CHIC1: variants seen among roughly 807,000 people sequenced by gnomAD.
The protein encoded by CHIC1 is cysteine-rich hydrophobic domain-containing protein 1.
In CHIC1, 7 loss-of-function variants were observed where a neutral mutation model predicts 18.5. That is an observed-to-expected ratio of 0.38 (90% confidence interval 0.22 to 0.71). CHIC1 has a LOEUF of 0.71. CHIC1 is among the 30% of genes least tolerant of loss of function. CHIC1 has a pLI of 0.49. For missense variants in CHIC1, 159 were observed against 176.9 expected, an observed-to-expected ratio of 0.90 and a Z score of 0.57; for synonymous variants, 77 against 73.5, an observed-to-expected ratio of 1.05 and a Z score of -0.25.
chrX:73,623,688 A>T (rs187660753), intron 3 of CHIC1, among the ~76,000 whole-genome samples: 1 of 111,457 alleles, frequency 9.0e-6, no homozygotes, highest in East Asian at 2.8e-4. Flanking sequence ...AGCAAAAAAA[A>T]TTTACATTTC....
At chrX:73,648,261 C>G (rs2057899006) in intron 3 of CHIC1, among the ~76,000 whole-genome samples, 2 of 102,992 alleles carry the variant, frequency 1.9e-5, no homozygotes, top group Non-Finnish European at 3.8e-5. Flanking sequence ...GAATCAACAA[C>G]AACAACAACA....
chrX:73,653,273 G>A (rs979302536), intron 3 of CHIC1, among the ~76,000 whole-genome samples: 15 of 111,029 alleles, frequency 1.4e-4, no homozygotes, highest in East Asian at 2.8e-4. Context: ...AATAGATGCC[G>A]CAAACCACCA....
chrX:73,600,721 C>G (rs1277594790), intron 3 of CHIC1, among the ~76,000 whole-genome samples: 1 of 107,175 alleles, frequency 9.3e-6, no homozygotes, highest in Admixed American at 9.9e-5. Flanking sequence ...TGATGTGCTG[C>G]TGGATTCGTT....
Position 73,665,059 on chromosome X carries a change from T to A in CHIC1, c.508-14267T>A, listed in dbSNP as rs370584787. On this transcript the variant is annotated intron_variant, in intron 3 of 5. Transcript: ENST00000373502. ...CATATACCTGATTGCCTTGTCAATT[T>A]TGCATTAACAGGCAGGCCAAGAGCT... Among the ~76,000 whole-genome samples, 3 of 112,458 alleles carry A rather than the reference T, an allele frequency of 2.7e-5. No homozygotes were observed. The East Asian group carries it at 8.4e-4, about 32-fold the overall frequency.
intron 3 of CHIC1, among the ~76,000 whole-genome samples, chrX:73,674,648 C>T (rs900104029): frequency 4.4e-4 from 49 of 111,489 alleles, no homozygotes; most frequent in Non-Finnish European, 8.3e-4. Flanking sequence ...GTCTTTCTAG[C>T]GGTCTATCAA....
At chrX:73,573,886 T>A (rs2057483190) in intron 1 of CHIC1, among the ~76,000 whole-genome samples, 1 of 111,176 alleles carries the variant, frequency 9.0e-6, no homozygotes, top group Non-Finnish European at 1.9e-5. Context: ...AAGAGATAGT[T>A]TGACTTCTTC....
At chrX:73,675,599 T>C (rs2058057728) in intron 3 of CHIC1, among the ~76,000 whole-genome samples, 1 of 111,702 alleles carries the variant, frequency 9.0e-6, no homozygotes, top group African/African-American at 3.3e-5. Context: ...TCTTCCTCCA[T>C]CCCTTTATTT....
At chrX:73,611,472 A>G (rs1482079044) in intron 3 of CHIC1, among the ~76,000 whole-genome samples, 1 of 108,914 alleles carries the variant, frequency 9.2e-6, no homozygotes, top group Non-Finnish European at 1.9e-5. Context: ...TAGTGCCGCA[A>G]TAAACATACG....
chrX:73,591,152 C>A (rs963232719), intron 3 of CHIC1, among the ~76,000 whole-genome samples: 3 of 111,581 alleles, frequency 2.7e-5, no homozygotes, highest in African/African-American at 9.8e-5. Context: ...AGTGATATCT[C>A]ACTATTGTTT....
chrX:73,654,903 T>C (rs908271735), intron 3 of CHIC1, among the ~76,000 whole-genome samples: 2 of 111,756 alleles, frequency 1.8e-5, no homozygotes, highest in African/African-American at 6.5e-5. Flanking sequence ...ATTTGGCTTT[T>C]TCTTTTATTT....
At chrX:73,659,995 A>G (rs771706058) in intron 3 of CHIC1, among the ~76,000 whole-genome samples, 1 of 111,853 alleles carries the variant, frequency 8.9e-6, no homozygotes, top group East Asian at 2.8e-4. Flanking sequence ...GCTCCAGTCT[A>G]AGATGTTATA....
At chrX:73,677,228 G>A (rs911807692) in intron 3 of CHIC1, among the ~76,000 whole-genome samples, 6 of 111,970 alleles carry the variant, frequency 5.4e-5, no homozygotes, top group East Asian at 2.8e-4. Flanking sequence ...CTTAAGCTGC[G>A]TGCTGGGAGA....
At position 73,686,796 on chromosome X, in the gene CHIC1, A is replaced by C. The variant is rs916689434; in HGVS notation, c.*5791A>C. On this transcript the variant is annotated 3_prime_UTR_variant, in exon 6 of 6. Transcript: ENST00000373502. ...TCTGGTGGAGAAGCCTAGGATTTCA[A>C]CTTTTTGTCAGAGGATTCCTGTTGG... The C allele has an allele frequency of 2.7e-5, 3 of 111,608 alleles. No homozygotes were observed. Among genetic ancestry groups the C allele is most frequent in the African/African-American group, 9.7e-5 (3 of 30,784 alleles). 9.2% of individuals were successfully genotyped at this position (111,608 alleles called of 1,213,427 possible).
intron 3 of CHIC1, among the ~76,000 whole-genome samples, chrX:73,640,773 T>C (rs2057852009): frequency 9.0e-6 from 1 of 111,600 alleles, no homozygotes; most frequent in Non-Finnish European, 1.9e-5. Context: ...CAGTCTACCT[T>C]ACTAATTTTT....
chrX:73,620,170 G>T, intron 3 of CHIC1, among the ~76,000 whole-genome samples: 1 of 112,039 alleles, frequency 8.9e-6, no homozygotes, highest in Non-Finnish European at 1.9e-5. Context: ...AAACATACAC[G>T]TGCATGTGTC....
intron 3 of CHIC1, among the ~76,000 whole-genome samples, chrX:73,665,176 C>A (rs960837105): frequency 2.7e-5 from 3 of 110,775 alleles, no homozygotes; most frequent in Non-Finnish European, 5.7e-5. Context: ...GGGGCTCAGG[C>A]AAAACCTCCG....
chrX:73,668,560 TTC>T (rs1176158623), intron 3 of CHIC1, among the ~76,000 whole-genome samples: 2 of 111,934 alleles, frequency 1.8e-5, no homozygotes, highest in African/African-American at 6.5e-5. Context: ...TATTGTTGTT[TTC>T]TCTCTGTTTT....
At chrX:73,626,239 T>C (rs1325825450) in intron 3 of CHIC1, among the ~76,000 whole-genome samples, 2 of 112,061 alleles carry the variant, frequency 1.8e-5, no homozygotes, top group Admixed American at 9.5e-5. Context: ...CTGTATTGTT[T>C]ACCTTTGGGA....
chrX:73,641,844 G>T (rs1478079641), intron 3 of CHIC1, among the ~76,000 whole-genome samples: 2 of 111,396 alleles, frequency 1.8e-5, no homozygotes, highest in Non-Finnish European at 3.8e-5. Context: ...CAAAGGACAT[G>T]AACTCATCAT....
Sources: allele counts gnomAD v4.1 joint callset (sites outside exome capture counted in the v4.1 genomes callset), GRCh38; gene constraint gnomAD v4.1.1; transcripts MANE v1.5; gene names NCBI Gene and HGNC (gene_info 2026-07-23, HGNC 2026-07-21).